The following MELTF variants were observed in gnomAD, a reference collection of about 807,000 sequenced individuals.
MELTF encodes the protein melanotransferrin.
MELTF carries 67 observed loss-of-function variants against 83.7 expected under a neutral mutation model. That is an observed-to-expected ratio of 0.80 (90% CI 0.66 to 0.98). The LOEUF (loss-of-function observed/expected upper bound fraction) is 0.98. Among genes scored for constraint, MELTF ranks in the 50% least tolerant of loss-of-function variants. MELTF has a pLI of 0.00. For missense variants in MELTF, 1,002 were observed against 1,035.6 expected, an observed-to-expected ratio of 0.97 and a Z score of 0.44; for synonymous variants, 462 against 447.6, an observed-to-expected ratio of 1.03 and a Z score of -0.41.
At position 197,009,719 on chromosome 3, in the gene MELTF, G is replaced by A. The variant is rs1221116127; in HGVS notation, c.1424C>T (p.Ser475Phe). 6.2e-7 allele frequency: 1 copy of A among 1,613,660 alleles called. No homozygotes were observed. Residue 475 changes from serine to phenylalanine, a missense_variant, in exon 11 of 16, where the codon TCC becomes TTC. Ser to Phe is a radical substitution (Grantham distance 155). Coordinates refer to ENST00000296350, the MANE Select transcript of MELTF (RefSeq NM_005929.6). ...AGGGCTGCCGAAACCGGCGTGGCAG[G>A]AGCGCTTGCCCCGAAGCTCATCCAA... Reference protein sequence around the residue: ...FTLDELRGKRSCHAGFGSPAG... With the variant: ...FTLDELRGKRFCHAGFGSPAG...
Position 197,023,799 on chromosome 3 carries a change from G to C in MELTF, c.487+504C>G, listed in dbSNP as rs116984140. 198 of 455,388 alleles carry C rather than the reference G, an allele frequency of 4.3e-4. 2 individuals carry two copies. The East Asian group carries it at 0.012, about 27-fold the overall frequency. The allele number at this position is 455,388 out of a possible 1,614,324, so 28.2% of individuals were successfully genotyped here. A position where few individuals can be genotyped will look rare whatever the true frequency, so the allele number is the denominator to read the frequency against. On this transcript the variant is annotated intron_variant, in intron 4 of 15. Transcript: ENST00000296350. The stretch of plus-strand genomic sequence containing the variant: ...AGTGCCTGGTGAGCCACTCACACCT[G>C]GCCACCAGCTGAGAGGGTGAGGCTT...
At position 197,029,708 on chromosome 3, in the gene MELTF, C is replaced by T. The variant is rs755138373; in HGVS notation, c.-6G>A. 129 of 1,238,716 alleles carry T rather than the reference C, an allele frequency of 1.0e-4. No homozygotes were observed. Among genetic ancestry groups the T allele is most frequent in the Admixed American group, 1.2e-4 (3 of 24,242 alleles). 76.7% of individuals were successfully genotyped at this position (1,238,716 alleles called of 1,614,324 possible). A position where few individuals can be genotyped will look rare whatever the true frequency, so the allele number is the denominator to read the frequency against. On this transcript the variant is annotated 5_prime_UTR_variant, in exon 1 of 16. Coordinates refer to ENST00000296350, the MANE Select transcript of MELTF (RefSeq NM_005929.6). This position sits in a 1 kb window ranked among gnomAD's most constrained non-coding sequence, Gnocchi z 6.5. ...GCCCCGCTCGGACCCCGCATGGCGCCGTCGGGGCTGGCTGGGGCCGGGCTG... is the reference window on the plus strand; with the variant it reads ...GCCCCGCTCGGACCCCGCATGGCGCTGTCGGGGCTGGCTGGGGCCGGGCTG...
rs1577923257 is a variant in MELTF, at chr3:197,004,167, C to G, written c.1939-68G>C. Reference sequence around the variant, plus strand: ...AGGCAGGGTCACCCGCCCAGTGCCGCTAGCTGCAAATTGCTTTACATACAG... The same window carrying G: ...AGGCAGGGTCACCCGCCCAGTGCCGGTAGCTGCAAATTGCTTTACATACAG... On this transcript the variant is annotated intron_variant, in intron 14 of 15. Transcript: ENST00000296350. 4.7e-6 allele frequency: 7 copies of G among 1,474,440 alleles called. No individual in the cohort carries two copies. The East Asian group carries it at 1.6e-4, about 33-fold the overall frequency. The allele number at this position is 1,474,440 out of a possible 1,614,324, so 91.3% of individuals were successfully genotyped here.
chr3:197,007,531 C>T lies in MELTF; in HGVS notation c.1751-795G>A, dbSNP rs1436047574. ...CCAAGGCCTCTCCAGCACCTGCCCG[C>T]CTCCCCTGACCCCATCCCAGACGAC... On this transcript the variant is annotated intron_variant, in intron 13 of 15. Coordinates refer to ENST00000296350, the MANE Select transcript of MELTF (RefSeq NM_005929.6). This position sits in a 1 kb window ranked among gnomAD's most constrained non-coding sequence, Gnocchi z 4.3. 6.6e-6 allele frequency among the ~76,000 whole-genome samples: 1 copy of T among 152,236 alleles called. No homozygotes were observed. Among genetic ancestry groups the T allele is most frequent in the Non-Finnish European group, 1.5e-5 (1 of 68,038 alleles).
At position 197,017,112 on chromosome 3, in the gene MELTF, G is replaced by A. The variant is rs368571938; in HGVS notation, c.891C>T (p.Asn297=). 75 of 1,611,792 alleles carry A rather than the reference G, an allele frequency of 4.7e-5. No homozygotes were observed. In the African/African-American group the frequency reaches 5.1e-4, roughly 11 times the overall value. The change falls in exon 7 of 16, where the codon AAC becomes AAT. Residue 297 remains asparagine, a synonymous_variant. Transcript: ENST00000296350. ...GGGACCCTGAGCCCACCTGGCCTTC[G>A]TTGAGCAGCCGGAAGATGAGGCCCC... The part of the protein sequence containing the change: ...TDGGLIFRLL[N]EGQRLFSHEG...
intron 6 of MELTF, among the ~76,000 whole-genome samples, chr3:197,018,435 G>GGCA: frequency 1.3e-5 from 2 of 151,166 alleles, no homozygotes; most frequent in Middle Eastern, 3.4e-3. Flanking sequence ...ACAGGCGTGA[G>GGCA]CCTCCACACC....
rs1719996600 is a variant in MELTF at position 197,029,438 on chromosome 3, G to C, written c.49+216C>G. ...GGAGCGTCGGAAGCCTCGGGTGTTCGAGGCCGCCTCCTCCAAGAAGCCTTC... is the reference window on the plus strand; with the variant it reads ...GGAGCGTCGGAAGCCTCGGGTGTTCCAGGCCGCCTCCTCCAAGAAGCCTTC... On this transcript the variant is annotated intron_variant, in intron 1 of 15. Coordinates refer to ENST00000296350, the MANE Select transcript of MELTF (RefSeq NM_005929.6). The surrounding 1 kb of genome is among the most constrained non-coding windows in gnomAD (Gnocchi z 6.5). The C allele has an allele frequency of 5.0e-6, 2 of 399,314 alleles. No homozygotes were observed. Among genetic ancestry groups the C allele is most frequent in the South Asian group, 1.4e-4 (1 of 7,134 alleles). The allele number at this position is 399,314 out of a possible 1,614,324, so 24.7% of individuals were successfully genotyped here.
chr3:197,029,210 A>T lies in MELTF; in HGVS notation c.49+444T>A. 1 of 155,194 alleles carries T rather than the reference A, an allele frequency of 6.4e-6. No homozygotes were observed. The highest frequency in any genetic ancestry group is 1.4e-5 in the Non-Finnish European group (1 of 70,168). 9.6% of individuals were successfully genotyped at this position (155,194 alleles called of 1,614,324 possible). The stretch of plus-strand genomic sequence containing the variant: ...CCTCCGTCTCCACCTCCATCCCTGC[A>T]TGTGCCAGAAACCCCCGGGCGGACT... On this transcript the variant is annotated intron_variant, in intron 1 of 15. Coordinates refer to ENST00000296350, the MANE Select transcript of MELTF (RefSeq NM_005929.6). This position sits in a 1 kb window ranked among gnomAD's most constrained non-coding sequence, Gnocchi z 6.5.
chr3:197,009,786 C>T lies in MELTF; in HGVS notation c.1357G>A (p.Val453Met), dbSNP rs768376698. 3.7e-6 allele frequency: 6 copies of T among 1,612,336 alleles called. No homozygotes were observed. Among genetic ancestry groups the T allele is most frequent in the East Asian group, 4.5e-5 (2 of 44,860 alleles). Residue 453 changes from valine to methionine, a missense_variant, in exon 11 of 16, where the codon GTG becomes ATG. Coordinates refer to ENST00000296350, the MANE Select transcript of MELTF (RefSeq NM_005929.6). The part of the protein sequence containing the change: ...APEDSSNSYY[V>M]VAVVRRDSSH... ...CTGTCCCGTCTCACCACGGCCACCA[C>T]GTAGTACGAGTTGCTGCTGTCTTCC...
In MELTF at chr3:197,027,959, C is replaced by T. The variant is rs776847775; in HGVS notation, c.50-49G>A. 3.1e-4 allele frequency: 463 copies of T among 1,515,880 alleles called. 2 individuals carry two copies. Among genetic ancestry groups the T allele is most frequent in the South Asian group, 2.8e-4 (23 of 83,046 alleles). The allele number at this position is 1,515,880 out of a possible 1,614,324, so 93.9% of individuals were successfully genotyped here. ...CCGGCTCCCCCGCCCTGCCCAGCCC[C>T]GGCCCACCATGGAGGGTGGCTCCAG... On this transcript the variant is annotated intron_variant, in intron 1 of 15. Transcript: ENST00000296350.
chr3:197,011,335 C>A lies in MELTF; in HGVS notation c.1234-541G>T, dbSNP rs1719180815. On this transcript the variant is annotated intron_variant, in intron 9 of 15. Transcript: ENST00000296350. The surrounding 1 kb of genome is among the most constrained non-coding windows in gnomAD (Gnocchi z 4.2). ...GCGGAGGCGCGGGAGGGTCCAGTGC[C>A]TTCTTCCCAGGACCCTCCTGGGGCC... Among the ~76,000 whole-genome samples, 1 of 152,208 alleles carries A rather than the reference C, an allele frequency of 6.6e-6. No individual in the cohort carries two copies. Among genetic ancestry groups the A allele is most frequent in the Non-Finnish European group, 1.5e-5 (1 of 68,014 alleles).
In MELTF at chr3:197,022,977, G is replaced by A. The variant is rs1452813065; in HGVS notation, c.624C>T (p.Tyr208=). 16 of 1,611,038 alleles carry A rather than the reference G, an allele frequency of 9.9e-6. No homozygotes were observed. The highest frequency in any genetic ancestry group is 1.3e-5 in the Non-Finnish European group (15 of 1,179,134). The change falls in exon 5 of 16, where the codon TAC becomes TAT. Residue 208 remains tyrosine (Y), a synonymous_variant. Coordinates refer to ENST00000296350, the MANE Select transcript of MELTF (RefSeq NM_005929.6). The surrounding 1 kb of genome is among the most constrained non-coding windows in gnomAD (Gnocchi z 5.1). ...CTCACCGGAAGGCCCCGCTGTAGTCGTAGTATCTCTCCAGGGGGCTCTTGT... is the reference window on the plus strand; with the variant it reads ...CTCACCGGAAGGCCCCGCTGTAGTCATAGTATCTCTCCAGGGGGCTCTTGT... ...VCDKSPLERY[Y]DYSGAFRCLA... is the part of the protein sequence containing the mutation.
At position 197,022,052 on chromosome 3, in the gene MELTF, T is replaced by C. The variant is rs2148589599; in HGVS notation, c.645-581A>G. ...GGGTGTTTTGAAGAGCATTCTACCC[T>C]GAGGCAGGGGATTGGACTAGAAGGC... On this transcript the variant is annotated intron_variant, in intron 5 of 15. Coordinates refer to ENST00000296350, the MANE Select transcript of MELTF (RefSeq NM_005929.6). The surrounding 1 kb of genome is among the most constrained non-coding windows in gnomAD (Gnocchi z 5.1). 6.6e-6 allele frequency among the ~76,000 whole-genome samples: 1 copy of C among 152,296 alleles called. No individual in the cohort carries two copies. The highest frequency in any genetic ancestry group is 6.5e-5 in the Admixed American group (1 of 15,296).
At chr3:197,023,196 G>A (rs758257839) in intron 4 of MELTF, 83 bp from the exon 5 acceptor site, 6 of 1,378,508 alleles carry the variant, frequency 4.4e-6, no homozygotes, top group Non-Finnish European at 6.1e-6. Flanking sequence ...GGGGGCCCGG[G>A]CTCTCATCTG....
At chr3:197,014,231 C>G (rs1023297683) in intron 9 of MELTF, among the ~76,000 whole-genome samples, 5 of 151,996 alleles carry the variant, frequency 3.3e-5, no homozygotes, top group African/African-American at 1.2e-4. Context: ...TGGGGGACAC[C>G]GTGTTATGTG....
At chr3:197,004,656 A>T (rs1300729182) in intron 14 of MELTF, 2 of 161,206 alleles carry the variant, frequency 1.2e-5, no homozygotes, top group African/African-American at 4.8e-5. Context: ...TTCTGTGGCT[A>T]CAGCCCTAAA....
intron 7 of MELTF, 139 bp downstream of exon 7, chr3:197,016,964 T>C: frequency 1.0e-6 from 1 of 987,738 alleles, no homozygotes; most frequent in Admixed American, 2.8e-5. Flanking sequence ...GGTTCCTCAC[T>C]CTGACCTGGC....
In MELTF at chr3:197,007,826, A is replaced by T. The variant is rs1719034332; in HGVS notation, c.1750+831T>A. Among the ~76,000 whole-genome samples the T allele has an allele frequency of 6.6e-6, 1 of 152,120 alleles. No individual in the cohort carries two copies. Among genetic ancestry groups the T allele is most frequent in the South Asian group, 2.1e-4 (1 of 4,814 alleles). ...TTTTTCCCTGCACGTCTTGCTTCCCATTGTCCAGTCCCCTCCCCACCGGGC... is the reference window on the plus strand; with the variant it reads ...TTTTTCCCTGCACGTCTTGCTTCCCTTTGTCCAGTCCCCTCCCCACCGGGC... On this transcript the variant is annotated intron_variant, in intron 13 of 15. Transcript: ENST00000296350. This position sits in a 1 kb window ranked among gnomAD's most constrained non-coding sequence, Gnocchi z 4.3.
At position 197,003,543 on chromosome 3, in the gene MELTF, C is replaced by T; in HGVS notation, c.2138-92G>A. Reference sequence around the variant, plus strand: ...CTGGGGTGGGGGTGGGGGCATCTTTCGGGACCGAACTCGCCGCAGCCTCCC... The same window carrying T: ...CTGGGGTGGGGGTGGGGGCATCTTTTGGGACCGAACTCGCCGCAGCCTCCC... On this transcript the variant is annotated intron_variant, in intron 15 of 15. Coordinates refer to ENST00000296350, the MANE Select transcript of MELTF (RefSeq NM_005929.6). This position sits in a 1 kb window ranked among gnomAD's most constrained non-coding sequence, Gnocchi z 6.2. 1 of 788,816 alleles carries T rather than the reference C, an allele frequency of 1.3e-6. No homozygotes were observed. Among genetic ancestry groups the T allele is most frequent in the Non-Finnish European group, 1.6e-6 (1 of 609,216 alleles). 48.9% of individuals were successfully genotyped at this position (788,816 alleles called of 1,614,324 possible).
Sources: gnomAD v4.1 joint callset for allele counts (sites outside exome capture counted in the v4.1 genomes callset) on GRCh38, gnomAD v4.1.1 for gene constraint, Gnocchi (gnomAD v3.1) non-coding constraint, MANE v1.5 for transcripts, NCBI Gene and HGNC (gene_info 2026-07-23, HGNC 2026-07-21) for gene names.